Variants in TTLL8 observed in about 807,000 individuals in gnomAD.
TTLL8 encodes protein monoglycylase TTLL8.
Under a neutral mutation model 77.8 loss-of-function variants are expected in TTLL8, and 65 were observed. The ratio of observed to expected loss-of-function variants is 0.84; its 90% CI spans 0.68 to 1.03. The LOEUF (loss-of-function observed/expected upper bound fraction) is 1.03. Among genes scored for constraint, TTLL8 ranks in the 50% least tolerant of loss-of-function variants. The pLI is 0.00. For missense variants in TTLL8, 910 were observed against 1,004.5 expected, an observed-to-expected ratio of 0.91 and a Z score of 1.27; for synonymous variants, 402 against 422.8, an observed-to-expected ratio of 0.95 and a Z score of 0.60.
At position 50,031,583 on chromosome 22, in the gene TTLL8, G is replaced by A. The variant is rs142009037; in HGVS notation, c.1707+103C>T. On this transcript the variant is annotated intron_variant, in intron 11 of 13. Coordinates refer to ENST00000266182, the Ensembl canonical transcript of TTLL8. ...AGGATCGGTGTCCTCCATAGACCCC[G>A]CTGCACTGGCGGCCTGCAGCTCCAC... 148 of 1,195,962 alleles carry A rather than the reference G, an allele frequency of 1.2e-4. No individual in the cohort carries two copies. In the African/African-American group the frequency reaches 2.0e-3, roughly 16 times the overall value. The allele number at this position is 1,195,962 out of a possible 1,614,324, so 74.1% of individuals were successfully genotyped here.
At chr22:50,047,123 A>G (rs755304793) in intron 4 of TTLL8, 45 bp downstream of exon 6, 5 of 1,361,782 alleles carry the variant, frequency 3.7e-6, no homozygotes, top group African/African-American at 3.0e-5. Context: ...GCTCCTCCCC[A>G]CCACCCTTGC....
At position 50,031,763 on chromosome 22, in the gene TTLL8, G is replaced by A. The variant is rs372825858; in HGVS notation, c.1630C>T (p.Gln544Ter). The A allele has an allele frequency of 1.5e-5, 20 of 1,364,946 alleles. No homozygotes were observed. The South Asian group carries it at 2.2e-4, about 15-fold the overall frequency. 84.6% of individuals were successfully genotyped at this position (1,364,946 alleles called of 1,614,324 possible). The change falls in exon 11 of 14, where the codon CAG (glutamine) becomes TAG (stop). Residue 544 changes from glutamine to a stop codon, truncating the protein, a stop_gained. Transcript: ENST00000266182. LOFTEE classifies it high-confidence loss of function. ...ACCTTGATGGTGTCCTCCTGCACCT[G>A]TGCACACAGCTGGGCCGTGACCGGC...
At chr22:50,026,579 C>T (rs908088146) in intron 12 of TTLL8, among the ~76,000 whole-genome samples, 4 of 152,200 alleles carry the variant, frequency 2.6e-5, no homozygotes, top group East Asian at 1.9e-4. Context: ...ACCTGTAAGA[C>T]GTGCAGGGGC....
At chr22:50,047,589 G>A (rs796460940) in intron 3 of TTLL8, among the ~76,000 whole-genome samples, 5 of 152,138 alleles carry the variant, frequency 3.3e-5, no homozygotes, top group African/African-American at 7.2e-5. Flanking sequence ...GTGTGGGGAC[G>A]TGCCACTTGC....
chr22:50,030,680 C>T (rs2061282753), exon 12 of TTLL8: 2 of 1,282,662 alleles, frequency 1.6e-6, no homozygotes, highest in Non-Finnish European at 2.0e-6. Context: ...TTAAGGGTGC[C>T]AGCAAGGCCA....
intron 8 of TTLL8, among the ~76,000 whole-genome samples, chr22:50,037,977 C>T (rs1190180671): frequency 2.0e-5 from 3 of 152,270 alleles, no homozygotes; most frequent in Admixed American, 6.5e-5. Context: ...AACATCTCTA[C>T]ACTATTGAGT....
intron 12 of TTLL8, among the ~76,000 whole-genome samples, chr22:50,022,704 C>T (rs1019742566): frequency 2.6e-5 from 4 of 152,260 alleles, no homozygotes; most frequent in African/African-American, 9.6e-5. Flanking sequence ...TAAGAAACTC[C>T]TGCCCACTCT....
chr22:50,019,251 A>C (rs1404633245), intron 12 of TTLL8, among the ~76,000 whole-genome samples: 2 of 152,340 alleles, frequency 1.3e-5, no homozygotes, highest in South Asian at 2.1e-4. Context: ...ATGAGAGAAG[A>C]AGCGTCAATG....
chr22:50,024,973 G>A (rs757392610), intron 12 of TTLL8, among the ~76,000 whole-genome samples: 2 of 152,018 alleles, frequency 1.3e-5, no homozygotes, highest in Non-Finnish European at 2.9e-5. Flanking sequence ...TTTTTCCCCT[G>A]GCCCCTTGAT....
intron 8 of TTLL8, among the ~76,000 whole-genome samples, chr22:50,037,630 G>A (rs1441961011): frequency 6.6e-6 from 1 of 152,102 alleles, no homozygotes; most frequent in African/African-American, 2.4e-5. Flanking sequence ...ATCATTTAGT[G>A]AAAAGACCAA....
chr22:50,041,288 A>C lies in TTLL8; in HGVS notation c.831-11T>G. The C allele has an allele frequency of 1.6e-5, 8 of 507,218 alleles. No individual in the cohort carries two copies. The highest frequency in any genetic ancestry group is 3.2e-5 in the Non-Finnish European group (8 of 251,680). The allele number at this position is 507,218 out of a possible 1,614,324, so 31.4% of individuals were successfully genotyped here. A position where few individuals can be genotyped will look rare whatever the true frequency, so the allele number is the denominator to read the frequency against. Reference sequence around the variant, plus strand: ...CTCCCCAAAGGCACCCTGAGGGGGTATCATCCTCTCAACAGTCATCAGGGT... The same window carrying C: ...CTCCCCAAAGGCACCCTGAGGGGGTCTCATCCTCTCAACAGTCATCAGGGT... On this transcript the variant is annotated splice_polypyrimidine_tract_variant and intron_variant, in intron 7 of 13. Transcript: ENST00000266182. The surrounding 1 kb of genome is among the most constrained non-coding windows in gnomAD (Gnocchi z 4.3).
In TTLL8 at chr22:50,041,933, C is replaced by G. The variant is rs554885103; in HGVS notation, c.644-126G>C. The G allele has an allele frequency of 5.9e-6, 5 of 846,064 alleles. No individual in the cohort carries two copies. The South Asian group carries it at 6.9e-5, about 12-fold the overall frequency. 52.4% of individuals were successfully genotyped at this position (846,064 alleles called of 1,614,324 possible). A position where few individuals can be genotyped will look rare whatever the true frequency, so the allele number is the denominator to read the frequency against. Reference sequence around the variant, plus strand: ...ACTCCCTCTGTGCCCCAATACCCAACAAGTATCCCAGATCCCCAGACAGGC... The same window carrying G: ...ACTCCCTCTGTGCCCCAATACCCAAGAAGTATCCCAGATCCCCAGACAGGC... On this transcript the variant is annotated intron_variant, in intron 6 of 13. Transcript: ENST00000266182. The surrounding 1 kb of genome is among the most constrained non-coding windows in gnomAD (Gnocchi z 4.3).
chr22:50,030,516 T>C (rs777459670), exon 12 of TTLL8: 1 of 1,337,146 alleles, frequency 7.5e-7, no homozygotes, highest in Non-Finnish European at 9.9e-7. Flanking sequence ...ATTTAGCTGG[T>C]TTGGATCCCA....
intron 11 of TTLL8, 46 bp downstream of exon 12, chr22:50,031,640 A>C: frequency 8.2e-7 from 1 of 1,222,670 alleles, no homozygotes; most frequent in Non-Finnish European, 1.1e-6. Flanking sequence ...CAAAGCATCC[A>C]CATGGCGGGC....
rs1370782808 is a variant in TTLL8, at chr22:50,041,394, CCAA to C, written c.831-120_831-118del. 6 of 927,820 alleles carry C rather than the reference CCAA, an allele frequency of 6.5e-6. No homozygotes were observed. The African/African-American group carries it at 8.8e-5, about 14-fold the overall frequency. 57.5% of individuals were successfully genotyped at this position (927,820 alleles called of 1,614,324 possible). A position where few individuals can be genotyped will look rare whatever the true frequency, so the allele number is the denominator to read the frequency against. ...AAGATCCAGACAGACACCCCAATAC[CCAA>C]CAAGTATCCCAGACATCCAGACAGA... On this transcript the variant is annotated intron_variant, in intron 7 of 13. Transcript: ENST00000266182. This position sits in a 1 kb window ranked among gnomAD's most constrained non-coding sequence, Gnocchi z 4.3.
At chr22:50,030,333 G>A (rs187936946) in intron 12 of TTLL8, 97 bp downstream of exon 13, 156 of 1,145,384 alleles carry the variant, frequency 1.4e-4, no homozygotes, top group Non-Finnish European at 1.6e-4. Context: ...AGCCTGCCCT[G>A]CGCCCCGCTC....
chr22:50,028,387 G>A (rs1356355290), intron 12 of TTLL8, among the ~76,000 whole-genome samples: 1 of 152,216 alleles, frequency 6.6e-6, no homozygotes, highest in Non-Finnish European at 1.5e-5. Flanking sequence ...TGGTGTCTGG[G>A]AGGCCACGTC....
intron 8 of TTLL8, among the ~76,000 whole-genome samples, chr22:50,035,664 G>A (rs1359698980): frequency 6.6e-6 from 1 of 152,206 alleles, no homozygotes; most frequent in African/African-American, 2.4e-5. Context: ...AAGCAGCCTT[G>A]TCTGTGCAGC....
At chr22:50,031,251 C>T (rs79432095) in intron 11 of TTLL8, among the ~76,000 whole-genome samples, 11,388 of 152,216 alleles carry the variant, frequency 0.075, 455 homozygotes, top group Middle Eastern at 0.13. Flanking sequence ...CCAGCACATC[C>T]GCAGGCACAG....
Sources: allele counts gnomAD v4.1 joint callset (sites outside exome capture counted in the v4.1 genomes callset), GRCh38; gene constraint gnomAD v4.1.1; non-coding constraint Gnocchi (gnomAD v3.1); transcripts MANE v1.5; gene names NCBI Gene and HGNC (gene_info 2026-07-23, HGNC 2026-07-21).